Variants in GPSM2 observed in about 807,000 individuals in gnomAD.
GPSM2 encodes G protein-signaling modulator 2.
In GPSM2, 58 loss-of-function variants were observed where a neutral mutation model predicts 78.4. The observed-to-expected ratio is 0.74, with a 90% CI of 0.60 to 0.92. The LOEUF is 0.92. GPSM2 is among the 40% of genes least tolerant of loss of function. The pLI, the probability that GPSM2 is intolerant of heterozygous loss-of-function variation, is 0.00. For synonymous variants in GPSM2, 224 were observed against 280.2 expected (o/e 0.80, Z 2.00); for missense variants, 700 against 815.5 (o/e 0.86, Z 1.73).
intron 2 of GPSM2, among the ~76,000 whole-genome samples, chr1:108,889,623 G>C (rs936868863): frequency 6.6e-6 from 1 of 152,096 alleles, no homozygotes; most frequent in African/African-American, 2.4e-5. Context: ...TAATTAGATG[G>C]GGAGGAAAGT....
chr1:108,885,456 C>G lies in GPSM2; in HGVS notation c.-67C>G. 1.1e-6 allele frequency: 1 copy of G among 886,394 alleles called. No homozygotes were observed. The allele number at this position is 886,394 out of a possible 1,614,324, so 54.9% of individuals were successfully genotyped here. Reference sequence around the variant, plus strand: ...GGACAATGTTCTACAAACAATTCTACATTGTAAAGGACTGGATTGGCACAA... The same window carrying G: ...GGACAATGTTCTACAAACAATTCTAGATTGTAAAGGACTGGATTGGCACAA... On this transcript the variant is annotated 5_prime_UTR_variant, in exon 2 of 15. An upstream open reading frame in the 5' UTR gains an earlier in-frame stop. Transcript: ENST00000264126.
intron 11 of GPSM2, among the ~76,000 whole-genome samples, chr1:108,916,671 G>A (rs1000320212): frequency 6.6e-6 from 1 of 152,190 alleles, no homozygotes; most frequent in Non-Finnish European, 1.5e-5. Context: ...ACAGTGTTAT[G>A]TAAGAAGCTG....
intron 13 of GPSM2, among the ~76,000 whole-genome samples, chr1:108,923,029 C>A (rs1257927681): frequency 6.6e-6 from 1 of 152,082 alleles, no homozygotes; most frequent in Non-Finnish European, 1.5e-5. Context: ...AAAATAAAAT[C>A]TGATTTTATT....
intron 1 of GPSM2, among the ~76,000 whole-genome samples, chr1:108,881,805 T>G (rs1281176966): frequency 1.3e-5 from 2 of 152,238 alleles, no homozygotes. Flanking sequence ...AGTAAAATAT[T>G]TTGCAACTTT....
At chr1:108,917,291 G>C (rs1003139454) in intron 11 of GPSM2, among the ~76,000 whole-genome samples, 8 of 151,926 alleles carry the variant, frequency 5.3e-5, no homozygotes, top group African/African-American at 1.7e-4. Context: ...AACAAGGCCG[G>C]GCGCAGTGGC....
chr1:108,890,013 C>A (rs1271863392), intron 2 of GPSM2, among the ~76,000 whole-genome samples: 1 of 152,258 alleles, frequency 6.6e-6, no homozygotes, highest in Non-Finnish European at 1.5e-5. Flanking sequence ...TTCCCACTTT[C>A]TTTGTTTAGC....
At position 108,901,915 on chromosome 1, in the gene GPSM2, A is replaced by C; in HGVS notation, c.923A>C (p.His308Pro). 1 of 1,611,864 alleles carries C rather than the reference A, an allele frequency of 6.2e-7. No homozygotes were observed. Among genetic ancestry groups the C allele is most frequent in the Non-Finnish European group, 8.5e-7 (1 of 1,177,928 alleles). ...YEKAIDYHLK[H>P]LAIAQELNDR... ...AAGGCCATTGATTATCATCTGAAGC[A>C]CTTAGCAATTGCTCAAGAGCTGAAT... The change falls in exon 8 of 15, where the codon CAC (histidine) becomes CCC (proline). Residue 308 changes from histidine (H) to proline (P), a missense_variant. By Grantham distance (77) the His-to-Pro change is moderately conservative (BLOSUM62 -2). Transcript: ENST00000264126.
At chr1:108,878,916 A>G (rs1665758876) in intron 1 of GPSM2, among the ~76,000 whole-genome samples, 1 of 152,326 alleles carries the variant, frequency 6.6e-6, no homozygotes, top group East Asian at 1.9e-4. Context: ...CCGAGATTCA[A>G]ATCATGGCCT....
chr1:108,925,258 A>C (rs1014409398), intron 14 of GPSM2, among the ~76,000 whole-genome samples: 7 of 152,254 alleles, frequency 4.6e-5, no homozygotes, highest in African/African-American at 1.7e-4. Flanking sequence ...GTAAACTGTT[A>C]GCCAGTTCAA....
chr1:108,922,511 A>G lies in GPSM2; in HGVS notation c.1535A>G (p.Gln512Arg). The G allele has an allele frequency of 6.2e-7, 1 of 1,611,588 alleles. No individual in the cohort carries two copies. The highest frequency in any genetic ancestry group is 8.5e-7 in the Non-Finnish European group (1 of 1,179,096). ...ATGGATGATCAGAGATGTTGCTTAC[A>G]AGAAAAGAACTGCCATACAGCTTCA... ...NRMDDQRCCL[Q>R]EKNCHTASTT... The change falls in exon 13 of 15, where the codon CAA becomes CGA. Residue 512 changes from glutamine to arginine, a missense_variant. Physicochemically the swap from Gln to Arg is conservative, Grantham distance 43. Coordinates refer to ENST00000264126, the MANE Select transcript of GPSM2 (RefSeq NM_013296.5).
intron 10 of GPSM2, among the ~76,000 whole-genome samples, chr1:108,914,094 C>A (rs757434502): frequency 5.9e-5 from 9 of 152,062 alleles, no homozygotes; most frequent in Non-Finnish European, 5.9e-5. Flanking sequence ...ATGTAGTAAC[C>A]AGTGTTAGTT....
At chr1:108,901,745 C>G (rs369492043) in intron 7 of GPSM2, 45 bp from the exon 8 acceptor site, 22 of 1,467,678 alleles carry the variant, frequency 1.5e-5, no homozygotes, top group Non-Finnish European at 2.0e-5. Flanking sequence ...TCTTAAAGCC[C>G]AAACTGAGAA....
chr1:108,904,288 T>C, intron 10 of GPSM2, 34 bp downstream of exon 10: 1 of 1,302,454 alleles, frequency 7.7e-7, no homozygotes, highest in African/African-American at 1.5e-5. Context: ...CCAATTTTTT[T>C]ATCCTCAATA....
chr1:108,922,043 A>G (rs338477), intron 12 of GPSM2, among the ~76,000 whole-genome samples: 3,210 of 138,574 alleles, frequency 0.023, 110 homozygotes, highest in African/African-American at 0.088. Context: ...GTAGGAAAAT[A>G]CACTTGTTTT....
intron 12 of GPSM2, 77 bp from the exon 13 acceptor site, chr1:108,922,340 G>T (rs1442482007): frequency 2.0e-6 from 2 of 1,008,540 alleles, no homozygotes; most frequent in African/African-American, 3.2e-5. Flanking sequence ...GCATTTGAAT[G>T]CATCATGATG....
At chr1:108,904,535 T>C (rs1170526956) in intron 10 of GPSM2, among the ~76,000 whole-genome samples, 2 of 151,060 alleles carry the variant, frequency 1.3e-5, no homozygotes, top group African/African-American at 4.8e-5. Flanking sequence ...TCTTTTCTTT[T>C]GTAAAAATAC....
chr1:108,923,961 G>GTT lies in GPSM2; in HGVS notation c.1601-31_1601-30dup, dbSNP rs770715946. 10 of 1,362,536 alleles carry GTT rather than the reference G, an allele frequency of 7.3e-6. No homozygotes were observed. In the African/African-American group the frequency reaches 1.3e-4, roughly 18 times the overall value. The allele number at this position is 1,362,536 out of a possible 1,614,324, so 84.4% of individuals were successfully genotyped here. ...TAGGTTTTTTTGTTTTTTGTTTTTTGTTTTTTTTTAATCTTTGGCTTTCTT... is the reference window on the plus strand; with the variant it reads ...TAGGTTTTTTTGTTTTTTGTTTTTTGTTTTTTTTTTTAATCTTTGGCTTTCTT... On this transcript the variant is annotated intron_variant, in intron 13 of 14. Coordinates refer to ENST00000264126, the MANE Select transcript of GPSM2 (RefSeq NM_013296.5).
At chr1:108,895,254 GC>G (rs1648267843) in intron 2 of GPSM2, among the ~76,000 whole-genome samples, 1 of 152,186 alleles carries the variant, frequency 6.6e-6, no homozygotes, top group African/African-American at 2.4e-5. Context: ...TATTGGAGTG[GC>G]TCAAAGCTCA....
intron 2 of GPSM2, among the ~76,000 whole-genome samples, chr1:108,887,382 G>A (rs960630250): frequency 2.0e-5 from 3 of 152,216 alleles, no homozygotes; most frequent in East Asian, 3.9e-4. Context: ...TCTCCAGGAC[G>A]TAACATACAC....
Sources: allele counts gnomAD v4.1 joint callset (sites outside exome capture counted in the v4.1 genomes callset), GRCh38; gene constraint gnomAD v4.1.1; transcripts MANE v1.5; gene names NCBI Gene and HGNC (gene_info 2026-07-23, HGNC 2026-07-21).